Variants in ELAVL2 observed in about 807,000 individuals in gnomAD.
ELAVL2 encodes ELAV like RNA binding protein 2.
Under a neutral mutation model 34.6 loss-of-function variants are expected in ELAVL2, and 4 were observed. The observed-to-expected ratio is 0.12, with a 90% CI of 0.06 to 0.26. The LOEUF (loss-of-function observed/expected upper bound fraction) is 0.26, where lower values mean the gene tolerates loss of function less well. Among genes scored for constraint, ELAVL2 ranks in the 10% least tolerant of loss-of-function variants. The pLI is 1.00. For missense variants in ELAVL2, 432 were observed against 442.8 expected (o/e 0.98, Z 0.22); for synonymous variants, 193 against 154.8 (o/e 1.25, Z -1.83).
At chr9:23,796,637 A>G (rs1337457280) in intron 1 of ELAVL2, among the ~76,000 whole-genome samples, 1 of 152,270 alleles carries the variant, frequency 6.6e-6, no homozygotes, top group Non-Finnish European at 1.5e-5. Context: ...TAAGATATCT[A>G]GAGTTTACAC....
chr9:23,694,259 C>T (rs1480967619), intron 5 of ELAVL2, among the ~76,000 whole-genome samples: 2 of 151,316 alleles, frequency 1.3e-5, no homozygotes, highest in African/African-American at 4.9e-5. Flanking sequence ...CAATCTGAGC[C>T]TCACTTAAAA....
chr9:23,731,735 A>C (rs1049190451), intron 2 of ELAVL2, among the ~76,000 whole-genome samples: 5 of 152,216 alleles, frequency 3.3e-5, no homozygotes, highest in African/African-American at 7.2e-5. Flanking sequence ...TAAGAACAGG[A>C]AAATATGAAC....
At chr9:23,847,417 C>T in the ELAVL2 span, 1 of 152,044 alleles carries the variant, frequency 6.6e-6, no homozygotes, top group Non-Finnish European at 1.5e-5. Flanking sequence ...AAGTGAGTCA[C>T]TGTCATTGGA....
chr9:23,784,333 G>A (rs1466238205), intron 1 of ELAVL2, among the ~76,000 whole-genome samples: 2 of 152,156 alleles, frequency 1.3e-5, no homozygotes, highest in Non-Finnish European at 2.9e-5. Context: ...TTCATGCCAT[G>A]AAGGAAAAAA....
chr9:23,702,503 T>A (rs2133202200), intron 4 of ELAVL2, among the ~76,000 whole-genome samples: 1 of 151,954 alleles, frequency 6.6e-6, no homozygotes, highest in East Asian at 1.9e-4. Flanking sequence ...TGACCACAGC[T>A]GGTCATCATG....
At chr9:23,775,410 T>C (rs1225274111) in intron 1 of ELAVL2, among the ~76,000 whole-genome samples, 1 of 152,176 alleles carries the variant, frequency 6.6e-6, no homozygotes, top group Non-Finnish European at 1.5e-5. Flanking sequence ...TTACATTCTC[T>C]TCAATTTACA....
At chr9:23,748,729 C>G (rs1348975257) in intron 2 of ELAVL2, among the ~76,000 whole-genome samples, 1 of 151,964 alleles carries the variant, frequency 6.6e-6, no homozygotes, top group Non-Finnish European at 1.5e-5. Context: ...AAATTTGAAG[C>G]CAGGCTACTT....
At position 23,705,424 on chromosome 9, in the gene ELAVL2, C is replaced by A. The variant is rs567256934; in HGVS notation, c.334-353G>T. ...GGTATAGTGATTCAACAACTGCCTG[C>A]TCATTTTATCATTTGTACCCACCTT... is the stretch of plus-strand genomic sequence containing the variant. On this transcript the variant is annotated intron_variant, in intron 3 of 6. Coordinates refer to ENST00000397312, the MANE Select transcript of ELAVL2 (RefSeq NM_004432.5). 1.2e-4 allele frequency among the ~76,000 whole-genome samples: 19 copies of A among 152,326 alleles called. No homozygotes were observed. The South Asian group carries it at 3.9e-3, about 32-fold the overall frequency.
intron 1 of ELAVL2, among the ~76,000 whole-genome samples, chr9:23,810,414 A>G (rs2062821508): frequency 6.6e-6 from 1 of 152,056 alleles, no homozygotes; most frequent in Admixed American, 6.6e-5. Flanking sequence ...AAAAAATTAT[A>G]AAAATAAAAA....
intron 3 of ELAVL2, among the ~76,000 whole-genome samples, chr9:23,724,992 A>C (rs1378315213): frequency 1.3e-5 from 2 of 152,122 alleles, no homozygotes; most frequent in Non-Finnish European, 2.9e-5. Flanking sequence ...TGCTCAAGGT[A>C]AAGGTTTTTA....
the ELAVL2 span, among the ~76,000 whole-genome samples, chr9:23,835,748 T>A: frequency 0.27 from 40,767 of 152,066 alleles, 5,709 homozygotes; most frequent in Admixed American, 0.34. Context: ...ATAGCTGTGG[T>A]CTTTCAGTGA....
intron 5 of ELAVL2, among the ~76,000 whole-genome samples, chr9:23,695,419 C>A (rs2034802244): frequency 6.5e-3 from 1 of 154 alleles, no homozygotes; most frequent in Non-Finnish European, 0.01. Flanking sequence ...CTCAGGACAC[C>A]AAGCATACGG....
intron 1 of ELAVL2, among the ~76,000 whole-genome samples, chr9:23,813,072 T>A (rs1414183739): frequency 6.6e-6 from 1 of 152,198 alleles, no homozygotes; most frequent in African/African-American, 2.4e-5. Context: ...TCTACCTACT[T>A]AGCATTCAAC....
intron 2 of ELAVL2, among the ~76,000 whole-genome samples, chr9:23,732,224 G>T (rs191930288): frequency 6.6e-6 from 1 of 152,268 alleles, no homozygotes; most frequent in Admixed American, 6.5e-5. Flanking sequence ...GGGCACCGTA[G>T]GTGCAAGTGG....
intron 2 of ELAVL2, among the ~76,000 whole-genome samples, chr9:23,755,858 G>C (rs544798206): frequency 1.3e-5 from 2 of 152,210 alleles, no homozygotes; most frequent in South Asian, 2.1e-4. Context: ...TGGTCTGCAA[G>C]AATCAGAATT....
In ELAVL2 at chr9:23,718,960, AC is replaced by A. The variant is rs372209910; in HGVS notation, c.333+12061del. ...AAAAAATAATTACTGTATTCCCAAA[AC>A]CCTTTGTGTGACAGTTGTGAAGATT... On this transcript the variant is annotated intron_variant, in intron 3 of 6. Coordinates refer to ENST00000397312, the MANE Select transcript of ELAVL2 (RefSeq NM_004432.5). Among the ~76,000 whole-genome samples the A allele has an allele frequency of 5.4e-3, 827 of 152,264 alleles. 7 individuals carry two copies. Among genetic ancestry groups the A allele is most frequent in the African/African-American group, 0.018 (730 of 41,534 alleles).
At chr9:23,797,394 T>G (rs1208293316) in intron 1 of ELAVL2, among the ~76,000 whole-genome samples, 1 of 152,166 alleles carries the variant, frequency 6.6e-6, no homozygotes, top group African/African-American at 2.4e-5. Flanking sequence ...AAACACAAAC[T>G]AAATGAAGAA....
intron 2 of ELAVL2, among the ~76,000 whole-genome samples, chr9:23,742,516 T>G (rs549618280): frequency 6.6e-6 from 1 of 152,276 alleles, no homozygotes; most frequent in South Asian, 2.1e-4. Flanking sequence ...GAAGGGAATA[T>G]TGGGTAGCAT....
chr9:23,759,978 TG>T (rs1409397427), intron 2 of ELAVL2, among the ~76,000 whole-genome samples: 1 of 151,188 alleles, frequency 6.6e-6, no homozygotes, highest in Non-Finnish European at 1.5e-5. Flanking sequence ...GTGAAGGAAA[TG>T]GATGAGAAAT....
Sources: allele counts gnomAD v4.1 joint callset (sites outside exome capture counted in the v4.1 genomes callset), GRCh38; gene constraint gnomAD v4.1.1; transcripts MANE v1.5; gene names NCBI Gene and HGNC (gene_info 2026-07-23, HGNC 2026-07-21).